Variants in HAS2 observed in about 807,000 individuals in gnomAD.
HAS2 encodes hyaluronan synthase 2, also known as HA synthase 2.
Under a neutral mutation model 51.6 loss-of-function variants are expected in HAS2, and 16 were observed. The observed-to-expected ratio is 0.31, with a 90% CI of 0.21 to 0.47. The LOEUF is 0.47. Among genes scored for constraint, HAS2 ranks in the 20% least tolerant of loss-of-function variants. HAS2 has a pLI of 1.00. For synonymous variants in HAS2, 228 were observed against 235.5 expected (o/e 0.97, Z 0.29); for missense variants, 361 against 662.6 (o/e 0.54, Z 5.00).
At chr8:121,627,380 A>G (rs1453657280) in intron 2 of HAS2, among the ~76,000 whole-genome samples, 2 of 152,194 alleles carry the variant, frequency 1.3e-5, no homozygotes, top group Non-Finnish European at 2.9e-5. Context: ...GAGAAACTTG[A>G]CAGAGAAATG....
At chr8:121,620,264 G>A (rs1812756215) in intron 2 of HAS2, among the ~76,000 whole-genome samples, 1 of 152,168 alleles carries the variant, frequency 6.6e-6, no homozygotes, top group Non-Finnish European at 1.5e-5. Flanking sequence ...ACTCAGTAGG[G>A]TGTAAAGAGC....
intron 3 of HAS2, among the ~76,000 whole-genome samples, chr8:121,616,481 G>A (rs1174019750): frequency 6.7e-6 from 1 of 149,274 alleles, no homozygotes; most frequent in Non-Finnish European, 1.5e-5. Flanking sequence ...CTATCACCCA[G>A]GCTGAAGTGC....
chr8:121,614,467 A>G lies in HAS2; in HGVS notation c.1301T>C (p.Val434Ala), dbSNP rs1375884358. 6.2e-7 allele frequency: 1 copy of G among 1,613,950 alleles called. No homozygotes were observed. The highest frequency in any genetic ancestry group is 8.5e-7 in the Non-Finnish European group (1 of 1,179,832). The change falls in exon 4 of 4, where the codon GTC (valine) becomes GCC (alanine). Residue 434 changes from valine to alanine, a missense_variant. Physicochemically the swap from Val to Ala is moderately conservative, Grantham distance 64 (BLOSUM62 0). Transcript: ENST00000303924. The surrounding 1 kb of genome is among the most constrained non-coding windows in gnomAD (Gnocchi z 7.2). ...TAACACTGAGTAGAGAGACATGAAG[A>G]CCATGACGATATTTCCTCTAAGGCA... ...ASCLRGNIVM[V>A]FMSLYSVLYM...
At chr8:121,639,777 G>A (rs1407088043) in intron 1 of HAS2, 1 of 152,302 alleles carries the variant, frequency 6.6e-6, no homozygotes, top group Non-Finnish European at 1.5e-5. Context: ...TCGGAGCCCT[G>A]GCTCACGCTG....
At chr8:121,621,296 A>C (rs1812770427) in intron 2 of HAS2, among the ~76,000 whole-genome samples, 1 of 152,228 alleles carries the variant, frequency 6.6e-6, no homozygotes, top group South Asian at 2.1e-4. Context: ...TTAAAAAATT[A>C]GATTTTCTTC....
In HAS2 at chr8:121,613,552, A is replaced by T. The variant is rs1383368124; in HGVS notation, c.*557T>A. 1 of 152,658 alleles carries T rather than the reference A, an allele frequency of 6.6e-6. No individual in the cohort carries two copies. Among genetic ancestry groups the T allele is most frequent in the Non-Finnish European group, 1.5e-5 (1 of 68,104 alleles). 9.5% of individuals were successfully genotyped at this position (152,658 alleles called of 1,614,324 possible). On this transcript the variant is annotated 3_prime_UTR_variant, in exon 4 of 4. Coordinates refer to ENST00000303924, the MANE Select transcript of HAS2 (RefSeq NM_005328.3). ...AGGTTTATTTTGGCAGAAAAGTAAA[A>T]TAGAGAATATGCAAAATTTGTCTTT...
chr8:121,641,158 C>CTTTCTTTTTTTTTTTTTTT lies in HAS2; in HGVS notation c.-307_-306insAAAAAAAAAAAAAAAGAAA, dbSNP rs1554597329. 2 of 57,012 alleles carry CTTTCTTTTTTTTTTTTTTT rather than the reference C, an allele frequency of 3.5e-5. No individual in the cohort carries two copies. Among genetic ancestry groups the CTTTCTTTTTTTTTTTTTTT allele is most frequent in the Admixed American group, 2.7e-4 (1 of 3,658 alleles). 3.5% of individuals were successfully genotyped at this position (57,012 alleles called of 1,614,324 possible). On this transcript the variant is annotated 5_prime_UTR_variant, in exon 1 of 4. Transcript: ENST00000303924. Reference sequence around the variant, plus strand: ...TAACTTTTCTTTTTTCTTTTCTTTTCTTTTTTTTTTTTTTTTTTTTTTGGG... The same window carrying CTTTCTTTTTTTTTTTTTTT: ...TAACTTTTCTTTTTTCTTTTCTTTTCTTTCTTTTTTTTTTTTTTTTTTTTTTTTTTTTTTTTTTTTTGGG...
rs193160397 is a variant in HAS2, at chr8:121,635,296, G to A, written c.-1+5557C>T. Among the ~76,000 whole-genome samples, 255 of 152,190 alleles carry A rather than the reference G, an allele frequency of 1.7e-3. 1 individual carries two copies. Among genetic ancestry groups the A allele is most frequent in the African/African-American group, 5.3e-3 (221 of 41,534 alleles). Reference sequence around the variant, plus strand: ...CTTCAGTTTCTCCATCTATAAAATGGAGCTAATCATATTGACTCATAAAAT... The same window carrying A: ...CTTCAGTTTCTCCATCTATAAAATGAAGCTAATCATATTGACTCATAAAAT... On this transcript the variant is annotated intron_variant, in intron 1 of 3. Transcript: ENST00000303924.
intron 2 of HAS2, among the ~76,000 whole-genome samples, chr8:121,617,563 G>T (rs1327487040): frequency 6.6e-6 from 1 of 151,824 alleles, no homozygotes; most frequent in Non-Finnish European, 1.5e-5. Context: ...TGTAATGGTT[G>T]GTCCCCCTAG....
rs1812668119 is a variant in HAS2 at position 121,613,910 on chromosome 8, A to G, written c.*199T>C. Reference sequence around the variant, plus strand: ...TTCATCCCATTTTCATAGAAATAACAGGTTAAATCTGAGTTTCTTCTTGTT... The same window carrying G: ...TTCATCCCATTTTCATAGAAATAACGGGTTAAATCTGAGTTTCTTCTTGTT... On this transcript the variant is annotated 3_prime_UTR_variant, in exon 4 of 4. Coordinates refer to ENST00000303924, the MANE Select transcript of HAS2 (RefSeq NM_005328.3). 1.4e-6 allele frequency: 1 copy of G among 709,684 alleles called. No individual in the cohort carries two copies. The highest frequency in any genetic ancestry group is 1.9e-5 in the South Asian group (1 of 53,356). 44.0% of individuals were successfully genotyped at this position (709,684 alleles called of 1,614,324 possible). A position where few individuals can be genotyped will look rare whatever the true frequency, so the allele number is the denominator to read the frequency against.
Position 121,613,899 on chromosome 8 carries a change from A to G in HAS2, c.*210T>C. ...TAAACAAAGAATTCATCCCATTTTC[A>G]TAGAAATAACAGGTTAAATCTGAGT... is the stretch of plus-strand genomic sequence containing the variant. On this transcript the variant is annotated 3_prime_UTR_variant, in exon 4 of 4. Coordinates refer to ENST00000303924, the MANE Select transcript of HAS2 (RefSeq NM_005328.3). 1 of 689,186 alleles carries G rather than the reference A, an allele frequency of 1.5e-6. No individual in the cohort carries two copies. The allele number at this position is 689,186 out of a possible 1,614,324, so 42.7% of individuals were successfully genotyped here.
At chr8:121,617,291 T>C (rs1400138474) in intron 2 of HAS2, 85 bp from the exon 3 acceptor site, 1 of 743,882 alleles carries the variant, frequency 1.3e-6, no homozygotes, top group East Asian at 2.6e-5. Context: ...ACATACATAC[T>C]GTGTCCTCAT....
chr8:121,639,157 C>T (rs1813052481), intron 1 of HAS2: 1 of 152,284 alleles, frequency 6.6e-6, no homozygotes, highest in South Asian at 2.1e-4. Flanking sequence ...CAAAGCCCAT[C>T]TACCAACTTC....
chr8:121,626,613 G>A (rs184450795), intron 2 of HAS2, among the ~76,000 whole-genome samples: 1 of 152,160 alleles, frequency 6.6e-6, no homozygotes, highest in Non-Finnish European at 1.5e-5. Flanking sequence ...TCCCTTAGTT[G>A]TCTTTCTGTG....
At chr8:121,628,521 A>G (rs1812883990) in intron 2 of HAS2, among the ~76,000 whole-genome samples, 193 bp downstream of exon 2, 1 of 152,208 alleles carries the variant, frequency 6.6e-6, no homozygotes, top group African/African-American at 2.4e-5. Flanking sequence ...GTTCATAGAT[A>G]GTCTCAACAG....
chr8:121,614,101 A>C lies in HAS2; in HGVS notation c.*8T>G. On this transcript the variant is annotated 3_prime_UTR_variant, in exon 4 of 4. Coordinates refer to ENST00000303924, the MANE Select transcript of HAS2 (RefSeq NM_005328.3). This position sits in a 1 kb window ranked among gnomAD's most constrained non-coding sequence, Gnocchi z 7.2. ...TGTGTGTGACTGCAAACGTCAAAACATGGAAGATCATACATCAAGCACCAT... is the reference window on the plus strand; with the variant it reads ...TGTGTGTGACTGCAAACGTCAAAACCTGGAAGATCATACATCAAGCACCAT... 6.2e-7 allele frequency: 1 copy of C among 1,614,090 alleles called. No homozygotes were observed. Among genetic ancestry groups the C allele is most frequent in the Non-Finnish European group, 8.5e-7 (1 of 1,179,964 alleles).
chr8:121,640,627 C>A (rs1043017457), intron 1 of HAS2, among the ~76,000 whole-genome samples: 1 of 152,008 alleles, frequency 6.6e-6, no homozygotes, highest in African/African-American at 2.4e-5. Context: ...AGAAAGGCAG[C>A]GGATTTCTGG....
At chr8:121,632,752 CATCATCATCATT>C (rs1812950463) in intron 1 of HAS2, among the ~76,000 whole-genome samples, 1 of 146,900 alleles carries the variant, frequency 6.8e-6, no homozygotes, top group Non-Finnish European at 1.5e-5. Context: ...TCATCATCAT[CATCATCATCATT>C]ATTATAATGG....
Position 121,618,122 on chromosome 8 carries a change from C to G in HAS2, c.628-916G>C, listed in dbSNP as rs1812731257. 2.0e-5 allele frequency among the ~76,000 whole-genome samples: 3 copies of G among 152,152 alleles called. No homozygotes were observed. In the South Asian group the frequency reaches 6.2e-4, roughly 32 times the overall value. The stretch of plus-strand genomic sequence containing the variant: ...CTATTGGAGTCTCAAGGGCACAGGG[C>G]TATAAACTGTGCTTTTCTTTTCAGA... On this transcript the variant is annotated intron_variant, in intron 2 of 3. Transcript: ENST00000303924.
Sources: allele counts gnomAD v4.1 joint callset (sites outside exome capture counted in the v4.1 genomes callset), GRCh38; gene constraint gnomAD v4.1.1; non-coding constraint Gnocchi (gnomAD v3.1); transcripts MANE v1.5; gene names NCBI Gene and HGNC (gene_info 2026-07-23, HGNC 2026-07-21).